Variants in QTGAL observed in about 807,000 individuals in gnomAD.
QTGAL encodes queuosine-tRNA galactosyltransferase, also known as BGnT-like protein 1.
chr17:83,007,184 T>C, the QTGAL span: 3 of 976,312 alleles, frequency 3.1e-6, no homozygotes, highest in Non-Finnish European at 2.4e-6. Flanking sequence ...TCTTTTCATA[T>C]GCTGCTGAAT....
the QTGAL span, among the ~76,000 whole-genome samples, chr17:82,957,789 G>A: frequency 6.6e-6 from 1 of 152,190 alleles, no homozygotes; most frequent in African/African-American, 2.4e-5. Context: ...GTAGGACGCA[G>A]AGGACTGGAC....
At chr17:83,043,988 C>T in the QTGAL span, among the ~76,000 whole-genome samples, 2 of 151,992 alleles carry the variant, frequency 1.3e-5, no homozygotes, top group Non-Finnish European at 2.9e-5. Flanking sequence ...AAGAGATTGA[C>T]TCAGTAATAA....
At chr17:83,046,153 G>T in the QTGAL span, among the ~76,000 whole-genome samples, 1 of 150,708 alleles carries the variant, frequency 6.6e-6, no homozygotes, top group Non-Finnish European at 1.5e-5. Context: ...ATTTTGAGAT[G>T]GAGTCTCACT....
At chr17:82,998,805 C>T in the QTGAL span, among the ~76,000 whole-genome samples, 1 of 152,038 alleles carries the variant, frequency 6.6e-6, no homozygotes, top group Non-Finnish European at 1.5e-5. Flanking sequence ...CAATTCAACA[C>T]AAAAATGGGC....
chr17:83,051,553 C>T, the QTGAL span, among the ~76,000 whole-genome samples: 1 of 152,244 alleles, frequency 6.6e-6, no homozygotes, highest in Admixed American at 6.5e-5. Context: ...TCCCGAGCGT[C>T]CCCCGCACGC....
chr17:83,024,025 C>T, the QTGAL span, among the ~76,000 whole-genome samples: 1 of 152,324 alleles, frequency 6.6e-6, no homozygotes, highest in South Asian at 2.1e-4. Flanking sequence ...GTCTCTAACA[C>T]CGGAGATGCC....
At chr17:82,998,252 T>A in the QTGAL span, among the ~76,000 whole-genome samples, 2 of 152,196 alleles carry the variant, frequency 1.3e-5, no homozygotes, top group Non-Finnish European at 2.9e-5. Context: ...ACTTACTATG[T>A]ACCCACAATA....
chr17:82,957,057 G>A, the QTGAL span: 52 of 1,353,330 alleles, frequency 3.8e-5, no homozygotes, highest in Non-Finnish European at 5.2e-5. Context: ...TGGGCTCCCT[G>A]GAGGCCCCGA....
At chr17:82,943,295 G>C in the QTGAL span, 3 of 152,286 alleles carry the variant, frequency 2.0e-5, no homozygotes, top group African/African-American at 7.2e-5. Context: ...CCATCCCAAA[G>C]CTGGTGAGGG....
chr17:83,032,164 G>C, the QTGAL span, among the ~76,000 whole-genome samples: 1,569 of 58,882 alleles, frequency 0.027, 1 homozygote, highest in East Asian at 0.058. Flanking sequence ...GGCCTCCGAC[G>C]CAGACCGAAC....
At chr17:83,034,553 C>G in the QTGAL span, among the ~76,000 whole-genome samples, 1 of 152,118 alleles carries the variant, frequency 6.6e-6, no homozygotes, top group South Asian at 2.1e-4. Flanking sequence ...CCACCCAAAT[C>G]TCATCTTGAA....
the QTGAL span, among the ~76,000 whole-genome samples, chr17:82,996,304 A>G: frequency 6.6e-6 from 1 of 152,148 alleles, no homozygotes; most frequent in African/African-American, 2.4e-5. Flanking sequence ...CAGGTGGATC[A>G]TGAGGTCAGG....
chr17:82,978,957 C>T, the QTGAL span: 2 of 152,138 alleles, frequency 1.3e-5, no homozygotes, highest in East Asian at 1.9e-4. This position sits in a 1 kb window ranked among gnomAD's most constrained non-coding sequence, Gnocchi z 4.8. Context: ...ACATTGAAAA[C>T]CTGTACAATG....
chr17:83,012,807 A>G, the QTGAL span, among the ~76,000 whole-genome samples: 30 of 151,878 alleles, frequency 2.0e-4, no homozygotes, highest in African/African-American at 7.3e-4. Context: ...TTCCCCACAA[A>G]GGAACTGGAC....
chr17:82,974,134 CGG>C, the QTGAL span, among the ~76,000 whole-genome samples: 1 of 152,232 alleles, frequency 6.6e-6, no homozygotes, highest in South Asian at 2.1e-4. Context: ...CAGTCTGAGC[CGG>C]TTCCAGGCTG....
the QTGAL span, among the ~76,000 whole-genome samples, chr17:83,008,641 G>T: frequency 1.3e-5 from 2 of 152,148 alleles, no homozygotes; most frequent in Non-Finnish European, 2.9e-5. Flanking sequence ...GGTGCTCTGG[G>T]GCTACATTGT....
At chr17:82,995,679 G>A in the QTGAL span, among the ~76,000 whole-genome samples, 897 of 152,018 alleles carry the variant, frequency 5.9e-3, 10 homozygotes, top group African/African-American at 0.021. Flanking sequence ...CACTATGTCC[G>A]GCCATCAGTA....
the QTGAL span, among the ~76,000 whole-genome samples, chr17:83,016,564 C>G: frequency 3.5e-4 from 42 of 120,380 alleles, no homozygotes; most frequent in African/African-American, 1.2e-3. Context: ...GGGAAGAGAA[C>G]AGGAGGTTGG....
At chr17:82,996,871 C>T in the QTGAL span, among the ~76,000 whole-genome samples, 7 of 152,176 alleles carry the variant, frequency 4.6e-5, no homozygotes, top group Non-Finnish European at 1.0e-4. Flanking sequence ...AGACCCCTAT[C>T]TTTCACCATA....
Sources: allele counts gnomAD v4.1 joint callset (sites outside exome capture counted in the v4.1 genomes callset), GRCh38; gene constraint gnomAD v4.1.1; non-coding constraint Gnocchi (gnomAD v3.1); transcripts MANE v1.5; gene names NCBI Gene and HGNC (gene_info 2026-07-23, HGNC 2026-07-21).